The following PRKCE variants were observed in gnomAD, a reference collection of about 807,000 sequenced individuals.
The protein encoded by PRKCE is protein kinase C epsilon type.
Under a neutral mutation model 85.4 loss-of-function variants are expected in PRKCE, and 16 were observed. The ratio of observed to expected loss-of-function variants is 0.19; its 90% CI spans 0.13 to 0.28. PRKCE has a LOEUF of 0.28. PRKCE is among the 10% of genes least tolerant of loss of function. PRKCE has a pLI of 1.00. For synonymous variants in PRKCE, 388 were observed against 371.5 expected, an observed-to-expected ratio of 1.04 and a Z score of -0.51; for missense variants, 573 against 975.2, an observed-to-expected ratio of 0.59 and a Z score of 5.49.
At position 45,816,165 on chromosome 2, in the gene PRKCE, G is replaced by A. The variant is rs1409649393; in HGVS notation, c.349-26835G>A. Among the ~76,000 whole-genome samples the A allele has an allele frequency of 2.0e-5, 3 of 152,110 alleles. No individual in the cohort carries two copies. In the East Asian group the frequency reaches 5.8e-4, roughly 29 times the overall value. On this transcript the variant is annotated intron_variant, in intron 1 of 14. Transcript: ENST00000306156. ...AAATCCCTACAGTCATCAAGGCCTG[G>A]CACTGCGTCATACAGAAGTTTCATG...
chr2:46,172,190 G>C (rs746502201), intron 14 of PRKCE, among the ~76,000 whole-genome samples: 1 of 152,172 alleles, frequency 6.6e-6, no homozygotes, highest in African/African-American at 2.4e-5. Context: ...GCAAAGCCAG[G>C]CTGAGCTGGG....
At chr2:45,736,799 G>C (rs1409213455) in intron 1 of PRKCE, among the ~76,000 whole-genome samples, 2 of 152,214 alleles carry the variant, frequency 1.3e-5, no homozygotes, top group Non-Finnish European at 2.9e-5. Flanking sequence ...TTATGGATAG[G>C]AACACTAGGC....
chr2:45,946,078 A>G (rs764379264), intron 2 of PRKCE, among the ~76,000 whole-genome samples: 5 of 152,276 alleles, frequency 3.3e-5, no homozygotes, highest in Non-Finnish European at 7.3e-5. Context: ...TGAATGTGGC[A>G]CATGCCCTCC....
At chr2:46,006,697 G>A (rs758539338) in intron 8 of PRKCE, among the ~76,000 whole-genome samples, 10 of 152,186 alleles carry the variant, frequency 6.6e-5, no homozygotes, top group Non-Finnish European at 1.3e-4. Flanking sequence ...TCTTCAAATA[G>A]AAAAGGTCAG....
intron 1 of PRKCE, among the ~76,000 whole-genome samples, chr2:45,820,203 C>T (rs769726764): frequency 5.9e-5 from 9 of 152,116 alleles, no homozygotes; most frequent in Non-Finnish European, 1.3e-4. Context: ...TATTAAGCAC[C>T]TTTTAAGTGC....
intron 10 of PRKCE, among the ~76,000 whole-genome samples, chr2:46,048,279 G>A (rs1400959223): frequency 1.3e-5 from 2 of 152,168 alleles, no homozygotes; most frequent in Admixed American, 1.3e-4. Context: ...CATGGAGACA[G>A]TACTCCCTCC....
chr2:45,802,618 A>G (rs1687954322), intron 1 of PRKCE, among the ~76,000 whole-genome samples: 1 of 152,214 alleles, frequency 6.6e-6, no homozygotes, highest in Non-Finnish European at 1.5e-5. Flanking sequence ...TATTAAAAGC[A>G]AATGGAGTAA....
intron 10 of PRKCE, among the ~76,000 whole-genome samples, chr2:46,062,298 A>G (rs1667219244): frequency 6.6e-6 from 1 of 152,198 alleles, no homozygotes; most frequent in Non-Finnish European, 1.5e-5. Flanking sequence ...TTTCAGAAAC[A>G]AAATCTGGCC....
At chr2:45,909,926 T>C (rs892436958) in intron 2 of PRKCE, among the ~76,000 whole-genome samples, 2 of 152,182 alleles carry the variant, frequency 1.3e-5, no homozygotes, top group African/African-American at 2.4e-5. Context: ...GGGGTTGCCA[T>C]GGAGACAGTC....
intron 10 of PRKCE, among the ~76,000 whole-genome samples, chr2:46,040,342 C>T (rs1162005950): frequency 6.6e-6 from 1 of 152,178 alleles, no homozygotes; most frequent in Non-Finnish European, 1.5e-5. Flanking sequence ...AGCAATTAGA[C>T]CGTAATCTGG....
intron 10 of PRKCE, among the ~76,000 whole-genome samples, chr2:46,056,077 G>A (rs543628511): frequency 1.3e-5 from 2 of 152,202 alleles, no homozygotes; most frequent in South Asian, 2.1e-4. Context: ...TATAACCTTA[G>A]GCCATAATTT....
In PRKCE at chr2:46,086,191, T is replaced by G. The variant is rs1387557521; in HGVS notation, c.1438-17T>G. 2 of 1,599,032 alleles carry G rather than the reference T, an allele frequency of 1.3e-6. No homozygotes were observed. The highest frequency in any genetic ancestry group is 3.3e-5 in the Admixed American group (2 of 59,990). On this transcript the variant is annotated splice_polypyrimidine_tract_variant and intron_variant, in intron 10 of 14. Coordinates refer to ENST00000306156, the MANE Select transcript of PRKCE (RefSeq NM_005400.3). ...GCAATCAAATGACCCAAATGGCATT[T>G]TCTTCTCTCCTTTCAGGACCGCCTC...
chr2:45,660,028 A>G (rs945426969), intron 1 of PRKCE, among the ~76,000 whole-genome samples: 9 of 152,222 alleles, frequency 5.9e-5, no homozygotes, highest in Non-Finnish European at 1.3e-4. Flanking sequence ...AAATTGTTGA[A>G]TGAATGAATA....
intron 1 of PRKCE, chr2:45,686,328 G>T (rs1677296095): frequency 6.6e-6 from 1 of 152,166 alleles, no homozygotes; most frequent in African/African-American, 2.4e-5. Flanking sequence ...ATTACATGGG[G>T]CTTAGGGGGT....
chr2:45,705,742 C>T (rs1295061166), intron 1 of PRKCE, among the ~76,000 whole-genome samples: 1 of 152,228 alleles, frequency 6.6e-6, no homozygotes, highest in Non-Finnish European at 1.5e-5. Flanking sequence ...GTATAGGTAG[C>T]TTTACCAGGC....
At chr2:46,133,508 T>G (rs1390134134) in intron 11 of PRKCE, among the ~76,000 whole-genome samples, 3 of 152,192 alleles carry the variant, frequency 2.0e-5, no homozygotes, top group Non-Finnish European at 4.4e-5. Context: ...ATAACTATTA[T>G]AGAATTATTA....
At chr2:46,117,742 C>T (rs923755899) in intron 11 of PRKCE, among the ~76,000 whole-genome samples, 2 of 152,320 alleles carry the variant, frequency 1.3e-5, no homozygotes, top group Non-Finnish European at 1.5e-5. Context: ...CTTGGGAAAA[C>T]ACATAGGAAG....
intron 10 of PRKCE, among the ~76,000 whole-genome samples, chr2:46,026,400 C>G (rs766650100): frequency 1.3e-5 from 2 of 152,082 alleles, no homozygotes; most frequent in Non-Finnish European, 2.9e-5. Flanking sequence ...CAGAAAGAAG[C>G]GTAGAAGACT....
chr2:46,105,993 A>G (rs535769878), intron 11 of PRKCE, among the ~76,000 whole-genome samples: 2 of 152,342 alleles, frequency 1.3e-5, no homozygotes, highest in Admixed American at 1.3e-4. Context: ...AAATGATAAA[A>G]TAGACTACTA....
Sources: allele counts gnomAD v4.1 joint callset (sites outside exome capture counted in the v4.1 genomes callset), GRCh38; gene constraint gnomAD v4.1.1; transcripts MANE v1.5; gene names NCBI Gene and HGNC (gene_info 2026-07-23, HGNC 2026-07-21).